Variants in SEPTIN6 observed in about 807,000 individuals in gnomAD.
SEPTIN6 encodes septin 6.
A neutral mutation model predicts 33.6 loss-of-function variants in SEPTIN6; 8 were observed. The ratio of observed to expected loss-of-function variants is 0.24; its 90% CI spans 0.14 to 0.43. The LOEUF is 0.43. Among genes scored for constraint, SEPTIN6 ranks in the 20% least tolerant of loss-of-function variants. The pLI, the probability that SEPTIN6 is intolerant of heterozygous loss-of-function variation, is 1.00. For synonymous variants in SEPTIN6, 131 were observed against 140.0 expected (o/e 0.94, Z 0.45); for missense variants, 250 against 340.8 (o/e 0.73, Z 2.10).
intron 3 of SEPTIN6, among the ~76,000 whole-genome samples, chrX:119,658,046 G>C (rs1324623229): frequency 9.0e-6 from 1 of 111,611 alleles, no homozygotes; most frequent in African/African-American, 3.3e-5. Flanking sequence ...AGAATGGCGT[G>C]AACCCGGGAG....
Position 119,693,082 on chromosome X carries a change from G to A in SEPTIN6, c.24C>T (p.Arg8=), listed in dbSNP as rs1465006046. The change falls in exon 1 of 11, where the codon CGC becomes CGT. Residue 8 remains arginine (R), a synonymous_variant. Coordinates refer to ENST00000394610, the MANE Select transcript of SEPTIN6 (RefSeq NM_145799.4). ...ACCCAAGCTCTGCACTTACCACCTG[G>A]CGAGCTATATCGGTCGCTGCCATCG... MAATDIA[R]QVGEGCRTVP... 1 of 1,173,706 alleles carries A rather than the reference G, an allele frequency of 8.5e-7. No individual in the cohort carries two copies. The highest frequency in any genetic ancestry group is 1.1e-6 in the Non-Finnish European group (1 of 876,235).
Position 119,680,485 on chromosome X carries a change from A to G in SEPTIN6, c.31-4817T>C, listed in dbSNP as rs778796965. Among the ~76,000 whole-genome samples, 3 of 108,368 alleles carry G rather than the reference A, an allele frequency of 2.8e-5. No homozygotes were observed. The South Asian group carries it at 1.2e-3, about 44-fold the overall frequency. The allele number at this position is 108,368 out of a possible 115,157, so 94.1% of individuals were successfully genotyped here. A position where few individuals can be genotyped will look rare whatever the true frequency, so the allele number is the denominator to read the frequency against. On this transcript the variant is annotated intron_variant, in intron 1 of 10. Transcript: ENST00000394610. ...CGGCCTCCCAAAGTGCTGGGATTAC[A>G]GGAGTGAGCCACCATGCCCAGCCAC...
intron 2 of SEPTIN6, 82 bp downstream of exon 2, chrX:119,675,472 T>C (rs1265693052): frequency 2.0e-6 from 1 of 499,914 alleles, no homozygotes; most frequent in Admixed American, 4.6e-5. Context: ...ACACACTATT[T>C]AACCTAATTA....
At chrX:119,621,484 T>G (rs2147436099) in intron 10 of SEPTIN6, among the ~76,000 whole-genome samples, 1 of 104,694 alleles carries the variant, frequency 9.6e-6, no homozygotes, top group Non-Finnish European at 2.0e-5. Context: ...TGTGTGTGTG[T>G]GTGTGTGTGT....
intron 6 of SEPTIN6, among the ~76,000 whole-genome samples, chrX:119,639,585 A>G (rs1301237022): frequency 8.9e-6 from 1 of 111,814 alleles, no homozygotes; most frequent in Non-Finnish European, 1.9e-5. Flanking sequence ...CAGGTTAAAC[A>G]TTACCAGTAC....
intron 7 of SEPTIN6, chrX:119,634,967 C>A: frequency 5.7e-6 from 1 of 176,506 alleles, no homozygotes; most frequent in Non-Finnish European, 1.1e-5. Context: ...CGAGATTGTG[C>A]CATTGTACTC....
chrX:119,624,130 C>T (rs2053815870), intron 10 of SEPTIN6: 5 of 258,504 alleles, frequency 1.9e-5, no homozygotes, highest in Admixed American at 1.0e-4. Context: ...CATTTTCCTC[C>T]GCTTTTATTA....
intron 3 of SEPTIN6, among the ~76,000 whole-genome samples, chrX:119,655,866 C>A (rs1421968787): frequency 8.9e-6 from 1 of 112,439 alleles, no homozygotes; most frequent in Non-Finnish European, 1.9e-5. Context: ...TCTTCAGCTG[C>A]AGACATAGGT....
chrX:119,673,103 G>A (rs758276357), intron 2 of SEPTIN6, among the ~76,000 whole-genome samples: 2 of 111,829 alleles, frequency 1.8e-5, no homozygotes, highest in South Asian at 7.4e-4. Flanking sequence ...AGGCATAGTG[G>A]CTAATGCCTG....
chrX:119,662,695 T>C (rs1431778623), intron 3 of SEPTIN6, among the ~76,000 whole-genome samples: 1 of 112,422 alleles, frequency 8.9e-6, no homozygotes, highest in Non-Finnish European at 1.9e-5. Context: ...CTTAGGCTTA[T>C]GCAATCTGAA....
In SEPTIN6 at chrX:119,633,473, C is replaced by T; in HGVS notation, c.976G>A (p.Ala326Thr). 1.7e-6 allele frequency: 2 copies of T among 1,205,797 alleles called. No homozygotes were observed. Among genetic ancestry groups the T allele is most frequent in the Non-Finnish European group, 2.2e-6 (2 of 892,237 alleles). The change falls in exon 8 of 11, where the codon GCC becomes ACC. Residue 326 changes from alanine (A) to threonine (T), a missense_variant. Physicochemically the swap from Ala to Thr is moderately conservative, Grantham distance 58. Around this residue, in one of 2 missense-constraint regions of SEPTIN6, gnomAD observed 139 missense variants for 227.0 expected, o/e 0.61. Transcript: ENST00000394610. ...TCCCCTAGGAACTCGTTCCTTTTGG[C>T]CTCATATGTCTCCTGTAAACTGCGA... is the stretch of plus-strand genomic sequence containing the variant. ...KPFSLQETYE[A>T]KRNEFLGELQ...
intron 9 of SEPTIN6, 133 bp from the exon 10 acceptor site, chrX:119,625,512 G>T: frequency 3.6e-6 from 2 of 548,025 alleles, no homozygotes; most frequent in Non-Finnish European, 6.2e-6. Context: ...TGGGAAGGGT[G>T]GACTGGTAGG....
At chrX:119,676,151 T>C (rs1449901151) in intron 1 of SEPTIN6, among the ~76,000 whole-genome samples, 6 of 111,881 alleles carry the variant, frequency 5.4e-5, no homozygotes, top group Non-Finnish European at 7.5e-5. Flanking sequence ...CAGTAAGTAT[T>C]ACGAAAAGGG....
intron 5 of SEPTIN6, among the ~76,000 whole-genome samples, chrX:119,641,266 A>G (rs1031912855): frequency 9.0e-6 from 1 of 111,432 alleles, no homozygotes; most frequent in African/African-American, 3.3e-5. Context: ...CACACAGCCA[A>G]CTGAGCTGTA....
At chrX:119,673,841 C>CAAAAAAAAAAAAAAAAAA (rs774954935) in intron 2 of SEPTIN6, among the ~76,000 whole-genome samples, 2 of 38,173 alleles carry the variant, frequency 5.2e-5, no homozygotes, top group African/African-American at 2.3e-4. Context: ...GACTCTGTCT[C>CAAAAAAAAAAAAAAAAAA]AAAAAAAAAA....
At chrX:119,639,060 G>A (rs1266540990) in intron 6 of SEPTIN6, among the ~76,000 whole-genome samples, 1 of 112,147 alleles carries the variant, frequency 8.9e-6, no homozygotes, top group Non-Finnish European at 1.9e-5. Context: ...ATTTGCAAAC[G>A]TTCCTAGTGG....
At chrX:119,656,823 T>C (rs2054451912) in intron 3 of SEPTIN6, among the ~76,000 whole-genome samples, 1 of 110,044 alleles carries the variant, frequency 9.1e-6, no homozygotes, top group Admixed American at 9.7e-5. Flanking sequence ...GAGGCGGAGG[T>C]TGCGGTGAGC....
At chrX:119,627,797 T>A in intron 9 of SEPTIN6, among the ~76,000 whole-genome samples, 1 of 88,487 alleles carries the variant, frequency 1.1e-5, no homozygotes, top group East Asian at 3.4e-4. Flanking sequence ...ACTTCTTTTT[T>A]TTTTTTTTTT....
intron 10 of SEPTIN6, among the ~76,000 whole-genome samples, chrX:119,622,270 C>T (rs757582887): frequency 1.8e-5 from 2 of 111,413 alleles, no homozygotes; most frequent in East Asian, 2.8e-4. Context: ...GTATCTGCAA[C>T]GATGTAGGGG....
Sources: allele counts gnomAD v4.1 joint callset (sites outside exome capture counted in the v4.1 genomes callset), GRCh38; gene constraint gnomAD v4.1.1; regional missense constraint gnomAD v4.1.1; transcripts MANE v1.5; gene names NCBI Gene and HGNC (gene_info 2026-07-23, HGNC 2026-07-21).